Variants in FRK observed in about 807,000 individuals in gnomAD.
The protein encoded by FRK is fyn related Src family tyrosine kinase.
A neutral mutation model predicts 56.4 loss-of-function variants in FRK; 51 were observed. The ratio of observed to expected loss-of-function variants is 0.90; its 90% CI spans 0.72 to 1.14. The LOEUF (loss-of-function observed/expected upper bound fraction) is 1.14. FRK is among the 50% of genes most tolerant of loss of function. The pLI is 0.00. For synonymous variants in FRK, 245 were observed against 217.9 expected (o/e 1.12, Z -1.10); for missense variants, 570 against 601.4 (o/e 0.95, Z 0.55).
At chr6:116,066,694 C>T in the FRK span, among the ~76,000 whole-genome samples, 1 of 152,172 alleles carries the variant, frequency 6.6e-6, no homozygotes, top group African/African-American at 2.4e-5. Context: ...CTCTATGGGC[C>T]AGCCACAGTG....
intron 1 of FRK, among the ~76,000 whole-genome samples, chr6:116,005,781 A>G (rs1775226134): frequency 1.3e-5 from 2 of 152,216 alleles, no homozygotes. Context: ...ACTGATACCT[A>G]AATATACAAA....
Position 115,968,688 on chromosome 6 carries a change from C to G in FRK, c.518G>C (p.Gly173Ala), listed in dbSNP as rs1433484332. 1.2e-6 allele frequency: 2 copies of G among 1,613,726 alleles called. No homozygotes were observed. Among genetic ancestry groups the G allele is most frequent in the Non-Finnish European group, 1.7e-6 (2 of 1,179,852 alleles). The change falls in exon 3 of 8, where the codon GGG (glycine) becomes GCG (alanine). Residue 173 changes from glycine (G) to alanine (A), a missense_variant. By Grantham distance (60) the Gly-to-Ala change is moderately conservative. Coordinates refer to ENST00000606080, the MANE Select transcript of FRK (RefSeq NM_002031.3). ...KHYRIKRLDE[G>A]GFFLTRRRIF... The stretch of plus-strand genomic sequence containing the variant: ...TCTTCTTCGCGTGAGAAAAAATCCC[C>G]CTTCATCCAGTCTTTTAATTCTGTA...
chr6:115,949,056 G>A (rs146392196), intron 5 of FRK, among the ~76,000 whole-genome samples: 37 of 152,240 alleles, frequency 2.4e-4, no homozygotes, highest in Non-Finnish European at 8.8e-5. Context: ...ACTGCAAAAG[G>A]GAGTTTGCTC....
chr6:115,943,183 T>C lies in FRK; in HGVS notation c.1143A>G (p.Val381=), dbSNP rs1772269152. ...ADFGLARVFK[V]DNEDIYESRH... is the part of the protein sequence containing the mutation. ...TAGATTCATAGATGTCTTCATTATC[T>C]ACCTGTTCATGTATTAAGGAATCAG... is the stretch of plus-strand genomic sequence containing the variant. Residue 381 remains valine (V), a splice_region_variant and synonymous_variant, in exon 7 of 8, where the codon GTA becomes GTG. Transcript: ENST00000606080. The C allele has an allele frequency of 6.2e-7, 1 of 1,604,922 alleles. No homozygotes were observed. Among genetic ancestry groups the C allele is most frequent in the South Asian group, 1.1e-5 (1 of 89,436 alleles).
chr6:116,041,694 T>C (rs1211265568), intron 1 of FRK, among the ~76,000 whole-genome samples: 2 of 152,108 alleles, frequency 1.3e-5, no homozygotes, highest in Non-Finnish European at 2.9e-5. Context: ...GACTATGCCG[T>C]GAGGAACGGT....
chr6:115,970,574 C>T (rs978584851), intron 2 of FRK, among the ~76,000 whole-genome samples: 6 of 152,082 alleles, frequency 3.9e-5, no homozygotes, highest in African/African-American at 7.2e-5. Context: ...GAATGAATCT[C>T]GCAAACTCAA....
rs1470004613 is a variant in FRK at position 115,939,476 on chromosome 6, G to A, written c.*2938C>T. 1 of 152,126 alleles carries A rather than the reference G, an allele frequency of 6.6e-6. No individual in the cohort carries two copies. Among genetic ancestry groups the A allele is most frequent in the Non-Finnish European group, 1.5e-5 (1 of 68,024 alleles). The allele number at this position is 152,126 out of a possible 1,614,324, so 9.4% of individuals were successfully genotyped here. ...TGTTCAAAATAGTATTGAAAGTTCTGGCCAGGGCAATCAGGCAAGAGAAAG... is the reference window on the plus strand; with the variant it reads ...TGTTCAAAATAGTATTGAAAGTTCTAGCCAGGGCAATCAGGCAAGAGAAAG... On this transcript the variant is annotated 3_prime_UTR_variant, in exon 8 of 8. Transcript: ENST00000606080.
chr6:115,959,709 T>C (rs1398750899), intron 4 of FRK, among the ~76,000 whole-genome samples: 1 of 152,204 alleles, frequency 6.6e-6, no homozygotes, highest in African/African-American at 2.4e-5. Context: ...GCATATACTT[T>C]ACGTATATTG....
intron 5 of FRK, among the ~76,000 whole-genome samples, chr6:115,955,816 T>C (rs536624891): frequency 3.9e-4 from 59 of 152,348 alleles, no homozygotes; most frequent in Admixed American, 7.2e-4. Flanking sequence ...CTCATTTTAA[T>C]GCTCATTATA....
At chr6:115,975,981 C>T (rs985942120) in intron 2 of FRK, among the ~76,000 whole-genome samples, 5 of 152,026 alleles carry the variant, frequency 3.3e-5, no homozygotes, top group South Asian at 2.1e-4. Context: ...ACTATACCAC[C>T]GGTCACCTGA....
At chr6:115,962,045 A>G (rs2114583751) in intron 4 of FRK, among the ~76,000 whole-genome samples, 2 of 137,244 alleles carry the variant, frequency 1.5e-5, no homozygotes, top group East Asian at 4.2e-4. Flanking sequence ...ACACATAACA[A>G]TATTAACTTT....
chr6:116,025,494 A>G (rs1776053879), intron 1 of FRK, among the ~76,000 whole-genome samples: 1 of 152,190 alleles, frequency 6.6e-6, no homozygotes, highest in Non-Finnish European at 1.5e-5. Flanking sequence ...TTTCAGCAGT[A>G]AAAGGAAATT....
chr6:116,033,904 T>G (rs1161057019), intron 1 of FRK, among the ~76,000 whole-genome samples: 1 of 152,066 alleles, frequency 6.6e-6, no homozygotes, highest in Non-Finnish European at 1.5e-5. Context: ...TTGGACCAGA[T>G]GGGGACAGGA....
chr6:115,994,321 ACCTCC>A (rs1488394419), intron 2 of FRK, among the ~76,000 whole-genome samples: 5 of 47,774 alleles, frequency 1.0e-4, no homozygotes, highest in African/African-American at 1.0e-4. Flanking sequence ...GAATCTCACA[ACCTCC>A]CCCCCCCCCG....
the FRK span, among the ~76,000 whole-genome samples, chr6:116,089,408 A>G: frequency 2.6e-5 from 4 of 152,238 alleles, no homozygotes; most frequent in Non-Finnish European, 1.5e-5. Flanking sequence ...TCTAATAGTA[A>G]ATAAATAGTC....
chr6:116,022,807 A>G (rs1160548711), intron 1 of FRK, among the ~76,000 whole-genome samples: 1 of 152,212 alleles, frequency 6.6e-6, no homozygotes, highest in African/African-American at 2.4e-5. Context: ...TTATCTAATA[A>G]AACAAAAAAA....
At chr6:115,995,024 T>A (rs1160196805) in intron 2 of FRK, among the ~76,000 whole-genome samples, 1 of 152,168 alleles carries the variant, frequency 6.6e-6, no homozygotes, top group African/African-American at 2.4e-5. Context: ...ACACTCAGCA[T>A]GAGTGAAAGC....
At chr6:116,036,924 A>G (rs992642146) in intron 1 of FRK, among the ~76,000 whole-genome samples, 1 of 152,186 alleles carries the variant, frequency 6.6e-6, no homozygotes, top group Non-Finnish European at 1.5e-5. Context: ...AAGCAATTTC[A>G]TATTCTACAT....
chr6:116,004,191 T>A (rs12173584), intron 1 of FRK, among the ~76,000 whole-genome samples, 193 bp from the exon 2 acceptor site: 1 of 151,470 alleles, frequency 6.6e-6, no homozygotes, highest in Non-Finnish European at 1.5e-5. Context: ...CCAACATTTA[T>A]TTTTTTTTAC....
Sources: gnomAD v4.1 joint callset for allele counts (sites outside exome capture counted in the v4.1 genomes callset) on GRCh38, gnomAD v4.1.1 for gene constraint, MANE v1.5 for transcripts, NCBI Gene and HGNC (gene_info 2026-07-23, HGNC 2026-07-21) for gene names.